The following GGNBP2 variants were observed in gnomAD, a reference collection of about 807,000 sequenced individuals.
GGNBP2 encodes the protein gametogenetin-binding protein 2.
GGNBP2 carries 10 observed loss-of-function variants against 85.9 expected under a neutral mutation model. That is an observed-to-expected ratio of 0.12 (90% CI 0.07 to 0.20). The LOEUF (loss-of-function observed/expected upper bound fraction) is 0.20. Ranked by LOEUF, GGNBP2 falls within the 10% of genes least tolerant of loss-of-function variation. GGNBP2 has a pLI of 1.00. For missense variants in GGNBP2, 595 were observed against 857.8 expected, an observed-to-expected ratio of 0.69 and a Z score of 3.83; for synonymous variants, 287 against 285.7, an observed-to-expected ratio of 1.00 and a Z score of -0.05.
chr17:36,585,482 CTT>C, intron 10 of GGNBP2, 32 bp downstream of exon 10: 1 of 1,442,476 alleles, frequency 6.9e-7, no homozygotes, highest in Non-Finnish European at 9.6e-7. Context: ...AAAATGAACT[CTT>C]AACTCTATTC....
intron 9 of GGNBP2, 59 bp from the exon 10 acceptor site, chr17:36,585,241 T>A: frequency 7.0e-7 from 1 of 1,431,066 alleles, no homozygotes; most frequent in South Asian, 1.2e-5. Flanking sequence ...ATCTAGGGAA[T>A]AAAATGTAGC....
At chr17:36,548,926 CAA>C (rs886718847) in intron 2 of GGNBP2, among the ~76,000 whole-genome samples, 2 of 151,470 alleles carry the variant, frequency 1.3e-5, no homozygotes, top group African/African-American at 2.4e-5. Flanking sequence ...GCCTGGGAGA[CAA>C]AGTGAAACTC....
chr17:36,568,326 GC>G (rs1555606227), intron 6 of GGNBP2, among the ~76,000 whole-genome samples: 1 of 150,204 alleles, frequency 6.7e-6, no homozygotes, highest in Non-Finnish European at 1.5e-5. Context: ...AGACAGAGTT[GC>G]ACTCTGTCAC....
intron 4 of GGNBP2, among the ~76,000 whole-genome samples, chr17:36,560,224 C>G (rs1279653263): frequency 6.6e-6 from 1 of 152,082 alleles, no homozygotes; most frequent in African/African-American, 2.4e-5. Context: ...TTCCAAAGTG[C>G]TGGGATTATA....
chr17:36,573,828 T>C (rs1203213627), intron 6 of GGNBP2, among the ~76,000 whole-genome samples: 2 of 152,170 alleles, frequency 1.3e-5, no homozygotes, highest in African/African-American at 2.4e-5. Flanking sequence ...TATATAATCT[T>C]TGGAGAAATG....
intron 2 of GGNBP2, among the ~76,000 whole-genome samples, chr17:36,549,863 T>A (rs572912860): frequency 6.6e-6 from 1 of 152,282 alleles, no homozygotes; most frequent in Admixed American, 6.5e-5. Context: ...CTTTTGGAAG[T>A]GGAATTACTG....
At chr17:36,546,863 G>T (rs1386573324) in intron 2 of GGNBP2, 3 of 152,044 alleles carry the variant, frequency 2.0e-5, no homozygotes, top group African/African-American at 7.2e-5. Flanking sequence ...ATCTACCGAA[G>T]TTTTTTCAAA....
At chr17:36,562,894 G>A (rs1046707229) in intron 5 of GGNBP2, among the ~76,000 whole-genome samples, 2 of 139,734 alleles carry the variant, frequency 1.4e-5, no homozygotes, top group Non-Finnish European at 3.0e-5. Flanking sequence ...GAACCCAAGA[G>A]GTGGAGGTTG....
intron 3 of GGNBP2, among the ~76,000 whole-genome samples, chr17:36,555,851 T>C (rs897807513): frequency 2.6e-5 from 4 of 152,184 alleles, no homozygotes; most frequent in African/African-American, 7.2e-5. Flanking sequence ...GGAAGAAAAG[T>C]CTGTACATGT....
rs2074409387 is a variant in GGNBP2 at position 36,560,770 on chromosome 17, T to A, written c.429-3T>A. 6.9e-7 allele frequency: 1 copy of A among 1,454,338 alleles called. No homozygotes were observed. Among genetic ancestry groups the A allele is most frequent in the Admixed American group, 2.1e-5 (1 of 47,878 alleles). 90.1% of individuals were successfully genotyped at this position (1,454,338 alleles called of 1,614,324 possible). ...ACCCTTAATATGTTTTATTTTTAAT[T>A]AGGTCCAAACTAAATGACATGATAG... On this transcript the variant is annotated splice_region_variant and splice_polypyrimidine_tract_variant and intron_variant, in intron 4 of 13. Coordinates refer to ENST00000613102, the MANE Select transcript of GGNBP2 (RefSeq NM_024835.5).
chr17:36,582,523 A>G (rs550249835), intron 9 of GGNBP2: 1 of 152,220 alleles, frequency 6.6e-6, no homozygotes, highest in Non-Finnish European at 1.5e-5. Flanking sequence ...GGTTGAATTT[A>G]TGGATGCAGC....
intron 2 of GGNBP2, 34 bp downstream of exon 2, chr17:36,545,851 C>G (rs775588771): frequency 3.4e-6 from 5 of 1,457,366 alleles, no homozygotes; most frequent in African/African-American, 1.4e-5. Context: ...GCCCGCCGCT[C>G]CCCTGGCAGC....
In GGNBP2 at chr17:36,561,771, G is replaced by A. The variant is rs143847387; in HGVS notation, c.527+900G>A. ...CCCGAGTAGTTGGGACTACAGGTGCGTGCCACCAAGCCCGGCTAATTTTTT... is the reference window on the plus strand; with the variant it reads ...CCCGAGTAGTTGGGACTACAGGTGCATGCCACCAAGCCCGGCTAATTTTTT... On this transcript the variant is annotated intron_variant, in intron 5 of 13. Transcript: ENST00000613102. 9.7e-3 allele frequency among the ~76,000 whole-genome samples: 1,472 copies of A among 151,906 alleles called. 23 individuals carry two copies. The highest frequency in any genetic ancestry group is 0.033 in the African/African-American group (1,372 of 41,452).
At chr17:36,562,929 G>A (rs900498911) in intron 5 of GGNBP2, among the ~76,000 whole-genome samples, 1 of 128,834 alleles carries the variant, frequency 7.8e-6, no homozygotes, top group African/African-American at 3.1e-5. Flanking sequence ...CGTGTCGCCT[G>A]GGCGACAGAG....
rs574349167 is a variant in GGNBP2 at position 36,549,970 on chromosome 17, C to CT, written c.93+4154dup. 1.8e-3 allele frequency among the ~76,000 whole-genome samples: 276 copies of CT among 151,252 alleles called. 1 individual carries two copies. The highest frequency in any genetic ancestry group is 6.5e-3 in the African/African-American group (267 of 41,182). ...TTTTTTTTTTCGAGATGGAGTCTCA[C>CT]TGTGTCACCTAGGCTGGAGTGCAGT... On this transcript the variant is annotated intron_variant, in intron 2 of 13. Transcript: ENST00000613102.
At chr17:36,548,985 T>G (rs2074282848) in intron 2 of GGNBP2, among the ~76,000 whole-genome samples, 1 of 152,132 alleles carries the variant, frequency 6.6e-6, no homozygotes, top group South Asian at 2.1e-4. Flanking sequence ...ATATGTTGTG[T>G]CCATGTTTAG....
chr17:36,549,051 T>G (rs1479092918), intron 2 of GGNBP2, among the ~76,000 whole-genome samples: 12 of 152,236 alleles, frequency 7.9e-5, no homozygotes, highest in Admixed American at 6.5e-4. Context: ...ATAGGGCTGA[T>G]GTAGGTGTAC....
intron 2 of GGNBP2, among the ~76,000 whole-genome samples, chr17:36,548,353 G>C (rs941929539): frequency 2.6e-5 from 4 of 151,980 alleles, no homozygotes; most frequent in African/African-American, 7.3e-5. Flanking sequence ...GGTGGCTCAC[G>C]CTTGTAATCC....
At chr17:36,586,389 G>A in intron 12 of GGNBP2, 191 bp downstream of exon 12, 1 of 607,014 alleles carries the variant, frequency 1.6e-6, no homozygotes, top group Non-Finnish European at 2.8e-6. Flanking sequence ...GATCATTTGT[G>A]CAACAGTCCT....
Sources: allele counts gnomAD v4.1 joint callset (sites outside exome capture counted in the v4.1 genomes callset), GRCh38; gene constraint gnomAD v4.1.1; transcripts MANE v1.5; gene names NCBI Gene and HGNC (gene_info 2026-07-23, HGNC 2026-07-21).